C1orf52: variants seen among roughly 807,000 people sequenced by gnomAD.
The protein encoded by C1orf52 is chromosome 1 open reading frame 52.
Under a neutral mutation model 17.2 loss-of-function variants are expected in C1orf52, and 5 were observed. The observed-to-expected ratio is 0.29, with a 90% CI of 0.15 to 0.61. C1orf52 has a LOEUF of 0.61. Among genes scored for constraint, C1orf52 ranks in the 20% least tolerant of loss-of-function variants. C1orf52 has a pLI of 0.85. For missense variants in C1orf52, 245 were observed against 234.1 expected, an observed-to-expected ratio of 1.05 and a Z score of -0.30; for synonymous variants, 110 against 88.0, an observed-to-expected ratio of 1.25 and a Z score of -1.40.
At chr1:85,258,467 T>TGGGC (rs1660000349) in intron 2 of C1orf52, 57 bp downstream of exon 2, 4 of 1,405,732 alleles carry the variant, frequency 2.8e-6, no homozygotes, top group Non-Finnish European at 3.9e-6. Context: ...ATCTCATTCT[T>TGGGC]TTTAAGCCCA....
chr1:85,252,324 A>G lies in C1orf52; in HGVS notation c.*305T>C, dbSNP rs1333213037. ...AAATATATTCCTTTATAAAAGGTTTATAAGAACATTGGCATGTCAACATGT... is the reference window on the plus strand; with the variant it reads ...AAATATATTCCTTTATAAAAGGTTTGTAAGAACATTGGCATGTCAACATGT... On this transcript the variant is annotated 3_prime_UTR_variant, in exon 3 of 3. Transcript: ENST00000471115. 1.2e-5 allele frequency: 4 copies of G among 333,890 alleles called. No individual in the cohort carries two copies. The highest frequency in any genetic ancestry group is 2.2e-5 in the Non-Finnish European group (4 of 183,478). The allele number at this position is 333,890 out of a possible 1,614,324, so 20.7% of individuals were successfully genotyped here. A position where few individuals can be genotyped will look rare whatever the true frequency, so the allele number is the denominator to read the frequency against.
At chr1:85,254,438 A>C (rs1002339485) in intron 2 of C1orf52, among the ~76,000 whole-genome samples, 5 of 149,954 alleles carry the variant, frequency 3.3e-5, no homozygotes, top group Non-Finnish European at 7.4e-5. Flanking sequence ...GTTGCCCAGG[A>C]TGGAGTGCAG....
Position 85,250,308 on chromosome 1 carries a change from GAAGTATC to G in C1orf52, c.*2314_*2320del, listed in dbSNP as rs1659769882. On this transcript the variant is annotated 3_prime_UTR_variant, in exon 3 of 3. Transcript: ENST00000471115. ...TAACTTAAAGTGCAGGAAACAATCA[GAAGTATC>G]AAGTGACTCGATTCTCTAAAATGAA... The G allele has an allele frequency of 3.3e-5, 5 of 152,146 alleles. No homozygotes were observed. Among genetic ancestry groups the G allele is most frequent in the Admixed American group, 3.3e-4 (5 of 15,274 alleles). 9.4% of individuals were successfully genotyped at this position (152,146 alleles called of 1,614,324 possible). A position where few individuals can be genotyped will look rare whatever the true frequency, so the allele number is the denominator to read the frequency against.
At chr1:85,253,165 T>C (rs919078284) in intron 2 of C1orf52, among the ~76,000 whole-genome samples, 14 of 152,208 alleles carry the variant, frequency 9.2e-5, no homozygotes. Flanking sequence ...GCCCAACCAA[T>C]AACAGAAACT....
At chr1:85,252,839 A>C in intron 2 of C1orf52, 137 bp from the exon 3 acceptor site, 1 of 635,560 alleles carries the variant, frequency 1.6e-6, no homozygotes, top group Non-Finnish European at 2.7e-6. Flanking sequence ...CCAATAAAAA[A>C]CAAGAATTAA....
chr1:85,257,337 CTTT>C (rs1659968324), intron 2 of C1orf52: 2 of 641,030 alleles, frequency 3.1e-6, no homozygotes, highest in Admixed American at 2.9e-5. Context: ...GAGATTTCTT[CTTT>C]TGATTTGGAT....
chr1:85,259,195 G>A, intron 1 of C1orf52, 163 bp downstream of exon 1: 3 of 1,143,712 alleles, frequency 2.6e-6, no homozygotes, highest in Non-Finnish European at 3.6e-6. Flanking sequence ...CAGGCGGGGA[G>A]AGGGGGCCAG....
At chr1:85,258,828 T>A in intron 1 of C1orf52, 106 bp from the exon 2 acceptor site, 1 of 1,419,860 alleles carries the variant, frequency 7.0e-7, no homozygotes, top group South Asian at 1.5e-5. Context: ...GGCTGACTTT[T>A]TTTTTCTTTA....
intron 2 of C1orf52, among the ~76,000 whole-genome samples, chr1:85,254,396 T>C (rs1659875669): frequency 1.2e-5 from 1 of 84,906 alleles, no homozygotes. Flanking sequence ...AACGTTTTGC[T>C]TTTTTTTTTT....
intron 1 of C1orf52, chr1:85,259,130 G>A: frequency 8.0e-7 from 1 of 1,249,166 alleles, no homozygotes; most frequent in South Asian, 1.7e-5. Context: ...CACCGAGCGC[G>A]GAGGTTTGGG....
rs771442863 is a variant in C1orf52 at position 85,259,502 on chromosome 1, C to T, written c.132G>A (p.Ser44=). 1 of 1,613,906 alleles carries T rather than the reference C, an allele frequency of 6.2e-7. No homozygotes were observed. Among genetic ancestry groups the T allele is most frequent in the East Asian group, 2.2e-5 (1 of 44,874 alleles). Residue 44 remains serine, a synonymous_variant, in exon 1 of 3, where the codon TCG becomes TCA. Transcript: ENST00000471115. The part of the protein sequence containing the change: ...TSRRTPDPAK[S]AGGCRNKAEK... ...CCGCCTTGTTCCTACAGCCGCCCGC[C>T]GACTTCGCCGGATCCGGGGTTCTGC...
At chr1:85,255,357 C>G (rs2100732546) in intron 2 of C1orf52, among the ~76,000 whole-genome samples, 1 of 152,222 alleles carries the variant, frequency 6.6e-6, no homozygotes, top group South Asian at 2.1e-4. Context: ...CGAGACCACC[C>G]TGGCCAACAT....
Position 85,251,156 on chromosome 1 carries a change from T to C in C1orf52, c.*1473A>G, listed in dbSNP as rs1268738179. ...AAATCTCGCGTAATTGTTCAAATTT[T>C]ATCTTCCACAATGGGGAAAAACAGA... On this transcript the variant is annotated 3_prime_UTR_variant, in exon 3 of 3. Transcript: ENST00000471115. 6.6e-6 allele frequency: 1 copy of C among 152,234 alleles called. No individual in the cohort carries two copies. Among genetic ancestry groups the C allele is most frequent in the African/African-American group, 2.4e-5 (1 of 41,464 alleles). 9.4% of individuals were successfully genotyped at this position (152,234 alleles called of 1,614,324 possible). A position where few individuals can be genotyped will look rare whatever the true frequency, so the allele number is the denominator to read the frequency against.
At chr1:85,255,914 C>T (rs1659925831) in intron 2 of C1orf52, among the ~76,000 whole-genome samples, 1 of 152,202 alleles carries the variant, frequency 6.6e-6, no homozygotes, top group Admixed American at 6.5e-5. Flanking sequence ...ATGTGAATAG[C>T]AGTGTTACCT....
intron 2 of C1orf52, among the ~76,000 whole-genome samples, chr1:85,257,218 C>G (rs1307900123): frequency 6.6e-6 from 1 of 152,198 alleles, no homozygotes; most frequent in Non-Finnish European, 1.5e-5. Context: ...AGGAACTCAT[C>G]ATAAAGCAGA....
At chr1:85,254,051 C>T (rs917036445) in intron 2 of C1orf52, among the ~76,000 whole-genome samples, 1 of 152,186 alleles carries the variant, frequency 6.6e-6, no homozygotes, top group African/African-American at 2.4e-5. Context: ...TGAGGAACTA[C>T]TGACATCAAA....
intron 2 of C1orf52, among the ~76,000 whole-genome samples, chr1:85,253,598 T>A (rs1403635867): frequency 6.6e-6 from 1 of 151,504 alleles, no homozygotes; most frequent in Admixed American, 6.6e-5. Flanking sequence ...TTATGGAGAA[T>A]TTGGAGAGGG....
intron 2 of C1orf52, among the ~76,000 whole-genome samples, chr1:85,255,464 C>T (rs1269955906): frequency 2.0e-5 from 3 of 151,674 alleles, no homozygotes; most frequent in Non-Finnish European, 4.4e-5. Flanking sequence ...GCAGGAGAAT[C>T]GCTTGAACCC....
intron 1 of C1orf52, chr1:85,259,085 T>C: frequency 7.7e-7 from 1 of 1,295,132 alleles, no homozygotes; most frequent in South Asian, 1.9e-5. Context: ...GGCGGGGGAG[T>C]CACCACTGTT....
Sources: gnomAD v4.1 joint callset for allele counts (sites outside exome capture counted in the v4.1 genomes callset) on GRCh38, gnomAD v4.1.1 for gene constraint, MANE v1.5 for transcripts, NCBI Gene and HGNC (gene_info 2026-07-23, HGNC 2026-07-21) for gene names.